Variants in LGR5 observed in about 807,000 individuals in gnomAD.
The protein encoded by LGR5 is leucine rich repeat containing G protein-coupled receptor 5.
Under a neutral mutation model 76.7 loss-of-function variants are expected in LGR5, and 54 were observed. That is an observed-to-expected ratio of 0.70 (90% CI 0.57 to 0.88). The LOEUF (loss-of-function observed/expected upper bound fraction) is 0.88. LGR5 is among the 40% of genes least tolerant of loss of function. The pLI, the probability that LGR5 is intolerant of heterozygous loss-of-function variation, is 0.00. For missense variants in LGR5, 1,078 were observed against 1,073.3 expected (o/e 1.00, Z -0.06); for synonymous variants, 406 against 421.9 (o/e 0.96, Z 0.46).
At chr12:71,489,494 G>A (rs1387609608) in intron 1 of LGR5, among the ~76,000 whole-genome samples, 1 of 152,136 alleles carries the variant, frequency 6.6e-6, no homozygotes, top group Non-Finnish European at 1.5e-5. Context: ...TGATTTTATA[G>A]AGTTCATACA....
chr12:71,457,298 G>C (rs1228064624), intron 1 of LGR5, among the ~76,000 whole-genome samples: 1 of 152,162 alleles, frequency 6.6e-6, no homozygotes, highest in Non-Finnish European at 1.5e-5. Flanking sequence ...ATTTCTGAGA[G>C]AAAGGGGATG....
At chr12:71,541,144 C>T (rs989220625) in intron 4 of LGR5, among the ~76,000 whole-genome samples, 3 of 152,148 alleles carry the variant, frequency 2.0e-5, no homozygotes, top group African/African-American at 4.8e-5. Context: ...AAGTTTTGCC[C>T]GGACTCTTCT....
chr12:71,454,706 C>T (rs1872389878), intron 1 of LGR5, among the ~76,000 whole-genome samples: 1 of 151,968 alleles, frequency 6.6e-6, no homozygotes, highest in Non-Finnish European at 1.5e-5. Flanking sequence ...CACTGTGGAG[C>T]TGGCTCACCC....
In LGR5 at chr12:71,585,699, A is replaced by G. The variant is rs1047050632; in HGVS notation, c.*965A>G. Reference sequence around the variant, plus strand: ...AGTCCACTGATACAACTTCTTACACATGTATCTCTAGTAGCTCTGGCAAAC... The same window carrying G: ...AGTCCACTGATACAACTTCTTACACGTGTATCTCTAGTAGCTCTGGCAAAC... On this transcript the variant is annotated 3_prime_UTR_variant, in exon 18 of 18. Transcript: ENST00000266674. The G allele has an allele frequency of 6.6e-6, 1 of 152,238 alleles. No homozygotes were observed. Among genetic ancestry groups the G allele is most frequent in the African/African-American group, 2.4e-5 (1 of 41,462 alleles). The allele number at this position is 152,238 out of a possible 1,614,324, so 9.4% of individuals were successfully genotyped here. A position where few individuals can be genotyped will look rare whatever the true frequency, so the allele number is the denominator to read the frequency against.
Position 71,535,202 on chromosome 12 carries a change from A to T in LGR5, c.428+16A>T, listed in dbSNP as rs747448404. On this transcript the variant is annotated intron_variant, in intron 4 of 17. Transcript: ENST00000266674. Reference sequence around the variant, plus strand: ...TTCAATCCCTGTAAGTATAGTAGACATTGCAAAATATATTTAAGATCAATT... The same window carrying T: ...TTCAATCCCTGTAAGTATAGTAGACTTTGCAAAATATATTTAAGATCAATT... 14 of 1,500,240 alleles carry T rather than the reference A, an allele frequency of 9.3e-6. No homozygotes were observed. Among genetic ancestry groups the T allele is most frequent in the Non-Finnish European group, 1.2e-5 (13 of 1,080,214 alleles). The allele number at this position is 1,500,240 out of a possible 1,614,324, so 92.9% of individuals were successfully genotyped here.
chr12:71,524,397 A>G lies in LGR5; in HGVS notation c.285-9A>G. ...GCTCACTCTCTCTCCTCTCCATTGA[A>G]ACCCACAGACGTCTTGCGGGAAACG... On this transcript the variant is annotated splice_polypyrimidine_tract_variant and intron_variant, in intron 2 of 17. Transcript: ENST00000266674. The G allele has an allele frequency of 6.2e-7, 1 of 1,607,730 alleles. No individual in the cohort carries two copies. The highest frequency in any genetic ancestry group is 1.7e-5 in the Admixed American group (1 of 59,430).
intron 4 of LGR5, among the ~76,000 whole-genome samples, chr12:71,545,923 A>T (rs1182902199): frequency 6.6e-6 from 1 of 152,188 alleles, no homozygotes; most frequent in Non-Finnish European, 1.5e-5. Flanking sequence ...TTCTTGTAAA[A>T]GAGAAAATTT....
Position 71,558,964 on chromosome 12 carries a change from G to A in LGR5, c.717-622G>A, listed in dbSNP as rs1196972669. The stretch of plus-strand genomic sequence containing the variant: ...ATAGAGCTTTGCTGCACAGATCAAG[G>A]AAAACATCCTATTTCTGAATTATTT... On this transcript the variant is annotated intron_variant, in intron 6 of 17. Transcript: ENST00000266674. Among the ~76,000 whole-genome samples the A allele has an allele frequency of 2.0e-5, 3 of 152,112 alleles. No individual in the cohort carries two copies. In the East Asian group the frequency reaches 5.8e-4, roughly 29 times the overall value.
At chr12:71,479,902 T>C (rs1470873274) in intron 1 of LGR5, among the ~76,000 whole-genome samples, 3 of 152,190 alleles carry the variant, frequency 2.0e-5, no homozygotes, top group Non-Finnish European at 2.9e-5. Context: ...CTGTCAACCA[T>C]GCTTAGGCAT....
chr12:71,510,593 C>CATTCATT (rs60291882), intron 2 of LGR5, among the ~76,000 whole-genome samples: 3 of 152,044 alleles, frequency 2.0e-5, no homozygotes, highest in Non-Finnish European at 4.4e-5. Flanking sequence ...TGTGTTTGTT[C>CATTCATT]CATTCATTCA....
chr12:71,473,545 G>A (rs572526257), intron 1 of LGR5, among the ~76,000 whole-genome samples: 51 of 152,028 alleles, frequency 3.4e-4, no homozygotes, highest in African/African-American at 1.1e-3. Context: ...AGGCTGAGGT[G>A]GGAGGATCCC....
chr12:71,452,228 C>G (rs912937338), intron 1 of LGR5, among the ~76,000 whole-genome samples: 1 of 152,182 alleles, frequency 6.6e-6, no homozygotes, highest in South Asian at 2.1e-4. Context: ...AACAAACTCC[C>G]TGTTTAATGG....
Position 71,578,789 on chromosome 12 carries a change from T to C in LGR5, c.1281-15T>C. ...AACATAGACTAAAAGCCAATTGTTG[T>C]TTGATGTTTTGCAGGGACCTATCGT... On this transcript the variant is annotated splice_polypyrimidine_tract_variant and intron_variant, in intron 14 of 17. Transcript: ENST00000266674. The C allele has an allele frequency of 6.3e-7, 1 of 1,587,992 alleles. No individual in the cohort carries two copies. The highest frequency in any genetic ancestry group is 8.6e-7 in the Non-Finnish European group (1 of 1,169,500).
At chr12:71,485,871 T>C (rs949224762) in intron 1 of LGR5, among the ~76,000 whole-genome samples, 1 of 151,936 alleles carries the variant, frequency 6.6e-6, no homozygotes, top group Non-Finnish European at 1.5e-5. Flanking sequence ...GTTCAAGTGA[T>C]TCTCCTGCCT....
At chr12:71,488,591 A>C (rs565048144) in intron 1 of LGR5, among the ~76,000 whole-genome samples, 1 of 152,164 alleles carries the variant, frequency 6.6e-6, no homozygotes, top group Non-Finnish European at 1.5e-5. Flanking sequence ...CTTTGGCAAA[A>C]TGCATCAATG....
At chr12:71,573,198 C>T (rs1878693393) in intron 13 of LGR5, among the ~76,000 whole-genome samples, 1 of 152,208 alleles carries the variant, frequency 6.6e-6, no homozygotes, top group African/African-American at 2.4e-5. Context: ...TTTCTGTCCA[C>T]AACCTGGAAT....
intron 17 of LGR5, 162 bp from the exon 18 acceptor site, chr12:71,583,485 C>A: frequency 1.3e-6 from 1 of 750,742 alleles, no homozygotes; most frequent in Non-Finnish European, 2.2e-6. Flanking sequence ...TCCAGGGTGA[C>A]AGTGGCTTGA....
rs1877508153 is a variant in LGR5 at position 71,552,020 on chromosome 12, G to A, written c.429-1053G>A. The stretch of plus-strand genomic sequence containing the variant: ...CATGTCTCTAACAGTCTTTAAAAAT[G>A]TACTCAGTTCCAGTGAGAACACGTG... On this transcript the variant is annotated intron_variant, in intron 4 of 17. Transcript: ENST00000266674. Among the ~76,000 whole-genome samples the A allele has an allele frequency of 1.3e-5, 2 of 151,774 alleles. 1 individual carries two copies. Among genetic ancestry groups the A allele is most frequent in the Admixed American group, 1.3e-4 (2 of 15,216 alleles).
chr12:71,454,617 A>C (rs1473443039), intron 1 of LGR5, among the ~76,000 whole-genome samples: 1 of 152,146 alleles, frequency 6.6e-6, no homozygotes, highest in African/African-American at 2.4e-5. Context: ...CTCAAAGGAG[A>C]GGTGAAGTTC....
Sources: allele counts gnomAD v4.1 joint callset (sites outside exome capture counted in the v4.1 genomes callset), GRCh38; gene constraint gnomAD v4.1.1; transcripts MANE v1.5; gene names NCBI Gene and HGNC (gene_info 2026-07-23, HGNC 2026-07-21).